The following RBMS3 variants were observed in gnomAD, a reference collection of about 807,000 sequenced individuals.
RBMS3 encodes the protein RNA-binding motif, single-stranded-interacting protein 3.
Under a neutral mutation model 66.8 loss-of-function variants are expected in RBMS3, and 27 were observed. The ratio of observed to expected loss-of-function variants is 0.40; its 90% CI spans 0.30 to 0.56. The LOEUF is 0.56. RBMS3 is among the 20% of genes least tolerant of loss of function. The pLI is 0.40. For synonymous variants in RBMS3, 188 were observed against 183.0 expected (o/e 1.03, Z -0.22); for missense variants, 513 against 549.5 (o/e 0.93, Z 0.66).
intron 4 of RBMS3, among the ~76,000 whole-genome samples, chr3:29,640,528 G>C (rs985897208): frequency 6.6e-6 from 1 of 151,760 alleles, no homozygotes; most frequent in Non-Finnish European, 1.5e-5. Context: ...AACATCAATT[G>C]GTCAGTCTGT....
chr3:29,845,016 T>C (rs1260902443), intron 6 of RBMS3, among the ~76,000 whole-genome samples: 3 of 152,066 alleles, frequency 2.0e-5, no homozygotes, highest in Non-Finnish European at 2.9e-5. Context: ...TAGCAGGAGA[T>C]CAGAGATGAA....
At chr3:29,362,609 G>T (rs11919427) in intron 1 of RBMS3, among the ~76,000 whole-genome samples, 28,274 of 152,002 alleles carry the variant, frequency 0.19, 2,791 homozygotes, top group Admixed American at 0.25. Context: ...CATCTTCTGC[G>T]TCACTCACAC....
intron 4 of RBMS3, among the ~76,000 whole-genome samples, chr3:29,705,964 A>G (rs779251446): frequency 6.6e-6 from 1 of 152,196 alleles, no homozygotes; most frequent in African/African-American, 2.4e-5. Flanking sequence ...TCAACAAAAC[A>G]GCAGGTGTAC....
chr3:30,002,015 C>G (rs904816311), intron 14 of RBMS3, among the ~76,000 whole-genome samples: 7 of 151,928 alleles, frequency 4.6e-5, no homozygotes, highest in African/African-American at 7.2e-5. Context: ...CTTTTTACTT[C>G]AAACTTCAGC....
rs549335654 is a variant in RBMS3 at position 29,667,988 on chromosome 3, C to T, written c.400-71732C>T. Among the ~76,000 whole-genome samples, 3 of 152,164 alleles carry T rather than the reference C, an allele frequency of 2.0e-5. No homozygotes were observed. The South Asian group carries it at 6.2e-4, about 32-fold the overall frequency. On this transcript the variant is annotated intron_variant, in intron 4 of 14. Coordinates refer to ENST00000383767, the MANE Select transcript of RBMS3 (RefSeq NM_001003793.3). ...TAGGAGATGTTCACCAAGACACTTC[C>T]TTTACTATCTTTGAACGATACAATT...
At chr3:29,416,523 C>T (rs2040483577) in intron 1 of RBMS3, among the ~76,000 whole-genome samples, 1 of 136,456 alleles carries the variant, frequency 7.3e-6, no homozygotes, top group South Asian at 2.6e-4. Flanking sequence ...TCTTTTCACA[C>T]TAGTTTCCCT....
chr3:29,619,321 A>C (rs1234306290), intron 4 of RBMS3, among the ~76,000 whole-genome samples: 1 of 152,142 alleles, frequency 6.6e-6, no homozygotes, highest in East Asian at 1.9e-4. Flanking sequence ...AAAAAAGAAC[A>C]AAAATGCAAA....
At chr3:29,349,137 A>G (rs962640486) in intron 1 of RBMS3, among the ~76,000 whole-genome samples, 1 of 152,140 alleles carries the variant, frequency 6.6e-6, no homozygotes, top group Non-Finnish European at 1.5e-5. Flanking sequence ...GGATGTTTGA[A>G]AGCACATCTG....
At chr3:29,709,798 C>G (rs2053079041) in intron 4 of RBMS3, among the ~76,000 whole-genome samples, 1 of 152,040 alleles carries the variant, frequency 6.6e-6, no homozygotes, top group South Asian at 2.1e-4. Flanking sequence ...TTGAAAAAGT[C>G]TATATTTATA....
rs150065518 is a variant in RBMS3 at position 29,685,653 on chromosome 3, C to T, written c.400-54067C>T. Among the ~76,000 whole-genome samples, 384 of 152,290 alleles carry T rather than the reference C, an allele frequency of 2.5e-3. 2 individuals carry two copies. The highest frequency in any genetic ancestry group is 8.2e-3 in the African/African-American group (342 of 41,552). ...ATTAGAAAGAAATCACTTGCTTAAA[C>T]AATAGGCAGGAACTGTGCGACTCGA... On this transcript the variant is annotated intron_variant, in intron 4 of 14. Transcript: ENST00000383767.
At chr3:29,317,230 A>C (rs1374625243) in intron 1 of RBMS3, among the ~76,000 whole-genome samples, 1 of 151,818 alleles carries the variant, frequency 6.6e-6, no homozygotes, top group African/African-American at 2.4e-5. Flanking sequence ...TGGCTTAGGT[A>C]AACCAAGCTA....
At position 29,440,288 on chromosome 3, in the gene RBMS3, G is replaced by A. The variant is rs548792145; in HGVS notation, c.248+5373G>A. 3.3e-5 allele frequency among the ~76,000 whole-genome samples: 5 copies of A among 152,176 alleles called. No individual in the cohort carries two copies. The South Asian group carries it at 1.0e-3, about 32-fold the overall frequency. On this transcript the variant is annotated intron_variant, in intron 2 of 14. Transcript: ENST00000383767. ...GCTTATAAATTTGATTTAATACAAT[G>A]TTCTCAGGAAGCCCCAGCCAATTGC...
rs114459224 is a variant in RBMS3 at position 29,693,565 on chromosome 3, C to T, written c.400-46155C>T. The stretch of plus-strand genomic sequence containing the variant: ...GGTAAATGACTGAGTTTTCTTGTGT[C>T]TCAGTTTACTTATTTGTAAAATAAA... On this transcript the variant is annotated intron_variant, in intron 4 of 14. Coordinates refer to ENST00000383767, the MANE Select transcript of RBMS3 (RefSeq NM_001003793.3). Among the ~76,000 whole-genome samples the T allele has an allele frequency of 5.0e-3, 763 of 152,160 alleles. 3 individuals carry two copies. Among genetic ancestry groups the T allele is most frequent in the Middle Eastern group, 0.027 (8 of 294 alleles).
At chr3:29,705,735 C>A (rs1370737399) in intron 4 of RBMS3, among the ~76,000 whole-genome samples, 2 of 152,154 alleles carry the variant, frequency 1.3e-5, no homozygotes, top group South Asian at 2.1e-4. Flanking sequence ...ATAATTACAT[C>A]ACAGGGTTGT....
chr3:29,493,926 C>T (rs926751361), intron 3 of RBMS3, among the ~76,000 whole-genome samples: 1 of 152,172 alleles, frequency 6.6e-6, no homozygotes, highest in Non-Finnish European at 1.5e-5. Flanking sequence ...AGACTGTCGT[C>T]ATTAGAGGAC....
intron 4 of RBMS3, among the ~76,000 whole-genome samples, chr3:29,701,541 G>A (rs571603272): frequency 5.3e-5 from 8 of 152,186 alleles, no homozygotes; most frequent in Admixed American, 2.0e-4. Context: ...GGCAGAGGTC[G>A]GAGCCAGCTC....
At chr3:29,464,651 A>G (rs1384245779) in intron 2 of RBMS3, among the ~76,000 whole-genome samples, 2 of 152,186 alleles carry the variant, frequency 1.3e-5, no homozygotes, top group Non-Finnish European at 2.9e-5. Flanking sequence ...TGAACTCTCT[A>G]TGACTGTCAG....
At chr3:29,896,408 C>T (rs1212509359) in intron 8 of RBMS3, among the ~76,000 whole-genome samples, 2 of 151,308 alleles carry the variant, frequency 1.3e-5, no homozygotes, top group Non-Finnish European at 3.0e-5. Context: ...TGCTAAAAAT[C>T]CAATAAAGCA....
At chr3:29,966,876 A>G (rs1357737776) in intron 12 of RBMS3, among the ~76,000 whole-genome samples, 2 of 152,102 alleles carry the variant, frequency 1.3e-5, no homozygotes, top group African/African-American at 2.4e-5. Context: ...TTGTATGCCA[A>G]TTTTGCTGAG....
Sources: gnomAD v4.1 joint callset for allele counts (sites outside exome capture counted in the v4.1 genomes callset) on GRCh38, gnomAD v4.1.1 for gene constraint, MANE v1.5 for transcripts, NCBI Gene and HGNC (gene_info 2026-07-23, HGNC 2026-07-21) for gene names.